Variants in DMXL1 observed in about 807,000 individuals in gnomAD.
DMXL1 encodes dmX-like protein 1.
DMXL1 carries 99 observed loss-of-function variants against 319.2 expected under a neutral mutation model. That is an observed-to-expected ratio of 0.31 (90% CI 0.26 to 0.37). DMXL1 has a LOEUF of 0.37. Among genes scored for constraint, DMXL1 ranks in the 10% least tolerant of loss-of-function variants. DMXL1 has a pLI of 1.00. For synonymous variants in DMXL1, 1,385 were observed against 1,235.2 expected, an observed-to-expected ratio of 1.12 and a Z score of -2.54; for missense variants, 3,745 against 3,595.6, an observed-to-expected ratio of 1.04 and a Z score of -1.06.
chr5:119,114,328 T>G (rs1435383478), intron 5 of DMXL1, 147 bp from the exon 6 acceptor site: 2 of 639,882 alleles, frequency 3.1e-6, no homozygotes, highest in African/African-American at 3.8e-5. Flanking sequence ...ACTAACTAGT[T>G]CATTTTTCAG....
chr5:119,207,247 A>T (rs1292466625), intron 34 of DMXL1, among the ~76,000 whole-genome samples: 1 of 152,198 alleles, frequency 6.6e-6, no homozygotes, highest in Non-Finnish European at 1.5e-5. Context: ...AATTCAAATT[A>T]GGAATTAATG....
Position 119,196,239 on chromosome 5 carries a change from T to A in DMXL1, c.7458-132T>A. On this transcript the variant is annotated intron_variant, in intron 30 of 43. Coordinates refer to ENST00000539542, the MANE Select transcript of DMXL1 (RefSeq NM_001290321.3). Reference sequence around the variant, plus strand: ...GCTGACATGACTACCTCTATGCATATATTATTTTGTTTTCATAGAGGGGTA... The same window carrying A: ...GCTGACATGACTACCTCTATGCATAAATTATTTTGTTTTCATAGAGGGGTA... 5.8e-6 allele frequency: 4 copies of A among 685,378 alleles called. No individual in the cohort carries two copies. The South Asian group carries it at 6.9e-5, about 12-fold the overall frequency. 42.5% of individuals were successfully genotyped at this position (685,378 alleles called of 1,614,324 possible). A position where few individuals can be genotyped will look rare whatever the true frequency, so the allele number is the denominator to read the frequency against.
intron 19 of DMXL1, among the ~76,000 whole-genome samples, chr5:119,153,157 A>C (rs894072232): frequency 6.6e-6 from 1 of 151,964 alleles, no homozygotes. Flanking sequence ...TTGTATTTTT[A>C]ATAGAGATGG....
At chr5:119,145,664 C>A (rs576995387) in intron 15 of DMXL1, among the ~76,000 whole-genome samples, 2 of 151,360 alleles carry the variant, frequency 1.3e-5, no homozygotes, top group African/African-American at 2.4e-5. Flanking sequence ...TTTCTGTGTT[C>A]TTCTTGTATT....
intron 42 of DMXL1, among the ~76,000 whole-genome samples, chr5:119,243,494 A>T (rs1367605258): frequency 6.6e-6 from 1 of 152,110 alleles, no homozygotes; most frequent in African/African-American, 2.4e-5. Context: ...TCCTTGAGCT[A>T]TATGCAGATT....
intron 15 of DMXL1, among the ~76,000 whole-genome samples, chr5:119,145,997 A>G (rs947539242): frequency 6.6e-6 from 1 of 151,722 alleles, no homozygotes; most frequent in African/African-American, 2.4e-5. Context: ...TGTATTTTGG[A>G]TGCCTAACTT....
chr5:119,126,198 G>A (rs1402351644), intron 9 of DMXL1, among the ~76,000 whole-genome samples: 4 of 152,240 alleles, frequency 2.6e-5, no homozygotes, highest in East Asian at 1.9e-4. Flanking sequence ...CAGGAGAATC[G>A]CTTGAACCTG....
At chr5:119,240,625 C>T (rs1405469055) in intron 42 of DMXL1, among the ~76,000 whole-genome samples, 154 bp downstream of exon 42, 1 of 152,100 alleles carries the variant, frequency 6.6e-6, no homozygotes. Flanking sequence ...CAAAAAGATG[C>T]AATATACGTA....
chr5:119,230,863 C>T (rs1171890655), intron 38 of DMXL1, among the ~76,000 whole-genome samples: 1 of 152,146 alleles, frequency 6.6e-6, no homozygotes, highest in East Asian at 1.9e-4. Context: ...GCCTGGGCAA[C>T]AGAACAAGAC....
At chr5:119,096,658 C>T (rs1357741417) in intron 1 of DMXL1, among the ~76,000 whole-genome samples, 1 of 152,056 alleles carries the variant, frequency 6.6e-6, no homozygotes, top group Non-Finnish European at 1.5e-5. Flanking sequence ...GGAAAAAACT[C>T]CCGTGATCAA....
At chr5:119,108,809 CT>C (rs912081112) in intron 4 of DMXL1, among the ~76,000 whole-genome samples, 3 of 150,366 alleles carry the variant, frequency 2.0e-5, no homozygotes, top group South Asian at 2.1e-4. Context: ...ATTTTTTTTC[CT>C]TTTTTTTTGA....
chr5:119,176,609 A>G (rs1243789100), intron 26 of DMXL1, among the ~76,000 whole-genome samples: 3 of 152,060 alleles, frequency 2.0e-5, no homozygotes, highest in African/African-American at 7.2e-5. Flanking sequence ...AAATGTTATA[A>G]CCAATGAGAT....
At chr5:119,166,527 ACTTAGCCAAAT>A in intron 21 of DMXL1, 78 bp from the exon 22 acceptor site, 1 of 1,171,590 alleles carries the variant, frequency 8.5e-7, no homozygotes, top group Non-Finnish European at 1.2e-6. Flanking sequence ...TTCTATTTAG[ACTTAGCCAAAT>A]CTTAACTTTA....
Position 119,118,152 on chromosome 5 carries a change from C to T in DMXL1, c.744-663C>T, listed in dbSNP as rs144838349. On this transcript the variant is annotated intron_variant, in intron 7 of 43. Coordinates refer to ENST00000539542, the MANE Select transcript of DMXL1 (RefSeq NM_001290321.3). ...GGCAAAAAGGAAATTAACTGAAAGT[C>T]AAGGATGACTAAGGAGGGGGAAGTG... Among the ~76,000 whole-genome samples the T allele has an allele frequency of 1.6e-3, 239 of 152,210 alleles. 1 individual carries two copies. The highest frequency in any genetic ancestry group is 5.4e-3 in the African/African-American group (224 of 41,534).
Position 119,129,359 on chromosome 5 carries a change from T to C in DMXL1, c.1251T>C (p.Phe417=). ...EVFLQQLRKS[F]EQPSSEASVE... ...TTTTACAGCAACTTAGAAAAAGTTT[T>C]GAACAACCATCTTCTGAGGCCAGTG... Residue 417 remains phenylalanine, a synonymous_variant, in exon 10 of 44, where the codon TTT becomes TTC. Transcript: ENST00000539542. The C allele has an allele frequency of 6.2e-7, 1 of 1,613,888 alleles. No individual in the cohort carries two copies. The highest frequency in any genetic ancestry group is 8.5e-7 in the Non-Finnish European group (1 of 1,179,900).
intron 1 of DMXL1, among the ~76,000 whole-genome samples, chr5:119,092,029 C>T (rs1269797135): frequency 2.0e-5 from 3 of 152,176 alleles, no homozygotes; most frequent in Non-Finnish European, 4.4e-5. Flanking sequence ...GGCTGTTCAC[C>T]ATAATCTCCC....
At chr5:119,153,774 A>T (rs1770361994) in intron 19 of DMXL1, among the ~76,000 whole-genome samples, 1 of 152,238 alleles carries the variant, frequency 6.6e-6, no homozygotes, top group Non-Finnish European at 1.5e-5. Context: ...CTGGTACTCC[A>T]GTGTATATAC....
chr5:119,149,787 G>A lies in DMXL1; in HGVS notation c.3960G>A (p.Pro1320=), dbSNP rs780709055. The A allele has an allele frequency of 3.7e-6, 6 of 1,613,762 alleles. No homozygotes were observed. The highest frequency in any genetic ancestry group is 4.5e-5 in the East Asian group (2 of 44,880). The change falls in exon 18 of 44, where the codon CCG becomes CCA. Residue 1320 remains proline (P), a synonymous_variant. Coordinates refer to ENST00000539542, the MANE Select transcript of DMXL1 (RefSeq NM_001290321.3). ...TTGAAGCAGCTCATGTACTTTCCCC[G>A]ACTCTACCTCAGTATCATCCCTTGC... The part of the protein sequence containing the change: ...GLFEAAHVLS[P]TLPQYHPLQL...
chr5:119,127,082 C>G (rs1580872220), intron 9 of DMXL1: 1 of 164,534 alleles, frequency 6.1e-6, no homozygotes, highest in African/African-American at 2.4e-5. Flanking sequence ...GTAAGCTGCC[C>G]TTTATTCTTG....
Sources: gnomAD v4.1 joint callset for allele counts (sites outside exome capture counted in the v4.1 genomes callset) on GRCh38, gnomAD v4.1.1 for gene constraint, MANE v1.5 for transcripts, NCBI Gene and HGNC (gene_info 2026-07-23, HGNC 2026-07-21) for gene names.